Variants in SCIN observed in about 807,000 individuals in gnomAD.
SCIN encodes scinderin.
In SCIN, 91 loss-of-function variants were observed where a neutral mutation model predicts 91.8. That is an observed-to-expected ratio of 0.99 (90% CI 0.84 to 1.18). The LOEUF is 1.18. Ranked by LOEUF, SCIN falls within the 50% of genes most tolerant of loss-of-function variation. The pLI is 0.00. For synonymous variants in SCIN, 367 were observed against 312.6 expected (o/e 1.17, Z -1.84); for missense variants, 1,087 against 863.9 (o/e 1.26, Z -3.24).
At chr7:12,592,098 G>A (rs1477630149) in intron 3 of SCIN, among the ~76,000 whole-genome samples, 1 of 152,190 alleles carries the variant, frequency 6.6e-6, no homozygotes, top group Non-Finnish European at 1.5e-5. Flanking sequence ...CATGTGAGTT[G>A]TTGTGACTGG....
chr7:12,585,056 A>C (rs1782559278), intron 3 of SCIN, among the ~76,000 whole-genome samples: 6 of 152,074 alleles, frequency 3.9e-5, no homozygotes, highest in Admixed American at 3.3e-4. Flanking sequence ...TGTTCTCCTC[A>C]CTATTTATAA....
intron 11 of SCIN, among the ~76,000 whole-genome samples, chr7:12,643,294 A>G (rs2691815): frequency 0.36 from 54,506 of 151,976 alleles, 10,414 homozygotes; most frequent in Middle Eastern, 0.46. Context: ...TCTGTTTTAG[A>G]TCTCATTTCC....
chr7:12,581,049 T>C lies in SCIN; in HGVS notation c.355-11T>C. 3.2e-6 allele frequency: 5 copies of C among 1,549,746 alleles called. No homozygotes were observed. Among genetic ancestry groups the C allele is most frequent in the Non-Finnish European group, 4.4e-6 (5 of 1,145,872 alleles). On this transcript the variant is annotated splice_polypyrimidine_tract_variant and intron_variant, in intron 2 of 15. Transcript: ENST00000297029. ...TTGTTTTTTGTGTGTCTGTCTTCCCTCATTCATCAGGCTGGAGGCGTGGCA... is the reference window on the plus strand; with the variant it reads ...TTGTTTTTTGTGTGTCTGTCTTCCCCCATTCATCAGGCTGGAGGCGTGGCA...
rs1315031763 is a variant in SCIN at position 12,640,938 on chromosome 7, C to T, written c.1581+421C>T. On this transcript the variant is annotated intron_variant, in intron 11 of 15. Coordinates refer to ENST00000297029, the MANE Select transcript of SCIN (RefSeq NM_001112706.3). Reference sequence around the variant, plus strand: ...GGGAGGCATGTCCCACCACACTGGACCAGAACCATAACTGAACTGGCCCCA... The same window carrying T: ...GGGAGGCATGTCCCACCACACTGGATCAGAACCATAACTGAACTGGCCCCA... Among the ~76,000 whole-genome samples the T allele has an allele frequency of 2.6e-5, 4 of 152,230 alleles. No homozygotes were observed. In the East Asian group the frequency reaches 7.7e-4, roughly 29 times the overall value.
Position 12,636,072 on chromosome 7 carries a change from G to C in SCIN, c.1347G>C (p.Glu449Asp). The change falls in exon 10 of 16, where the codon GAG becomes GAC. Residue 449 changes from glutamate (E) to aspartate (D), a missense_variant. Transcript: ENST00000297029. ...AAGGAGCAAATGCCACACGAGATGAGCTGACAACATCTGCGTTCCTGACTG... is the reference window on the plus strand; with the variant it reads ...AAGGAGCAAATGCCACACGAGATGACCTGACAACATCTGCGTTCCTGACTG... ...TWQGANATRD[E>D]LTTSAFLTVQ... 6.2e-7 allele frequency: 1 copy of C among 1,613,118 alleles called. No individual in the cohort carries two copies. The highest frequency in any genetic ancestry group is 1.7e-5 in the Admixed American group (1 of 59,954).
intron 2 of SCIN, among the ~76,000 whole-genome samples, chr7:12,580,504 TAAAG>T (rs1320126872): frequency 2.0e-5 from 3 of 152,048 alleles, no homozygotes; most frequent in African/African-American, 7.2e-5. Context: ...TACCAGAAAA[TAAAG>T]AAGACATTTG....
intron 4 of SCIN, among the ~76,000 whole-genome samples, chr7:12,609,990 G>A (rs983631899): frequency 1.3e-5 from 2 of 152,302 alleles, no homozygotes; most frequent in African/African-American, 2.4e-5. Context: ...GTCTGGTTGA[G>A]GAGATAAGCA....
chr7:12,652,364 G>A (rs1439007350), intron 15 of SCIN, among the ~76,000 whole-genome samples: 2 of 152,144 alleles, frequency 1.3e-5, no homozygotes, highest in Non-Finnish European at 1.5e-5. Flanking sequence ...CATGGCAGAC[G>A]AGAGAAATCA....
rs528498575 is a variant in SCIN at position 12,592,086 on chromosome 7, TC to T, written c.516+10867del. On this transcript the variant is annotated intron_variant, in intron 3 of 15. Coordinates refer to ENST00000297029, the MANE Select transcript of SCIN (RefSeq NM_001112706.3). ...TCCCTGAAGCCCTGAGGGAGGACAGTCCATGTGAGTTGTTGTGACTGGAGGG... is the reference window on the plus strand; with the variant it reads ...TCCCTGAAGCCCTGAGGGAGGACAGTCATGTGAGTTGTTGTGACTGGAGGG... Among the ~76,000 whole-genome samples the T allele has an allele frequency of 2.9e-3, 446 of 152,250 alleles. 3 individuals carry two copies. The highest frequency in any genetic ancestry group is 9.8e-3 in the African/African-American group (408 of 41,546).
Position 12,653,708 on chromosome 7 carries a change from A to G in SCIN, c.*993A>G, listed in dbSNP as rs1248243482. The G allele has an allele frequency of 6.6e-6, 1 of 152,180 alleles. No homozygotes were observed. The highest frequency in any genetic ancestry group is 1.5e-5 in the Non-Finnish European group (1 of 68,030). 9.4% of individuals were successfully genotyped at this position (152,180 alleles called of 1,614,324 possible). ...AGATCAAAAAGACAATGCACAGGGGAGTATCCCAGGGAGCAGAGCCAAGTT... is the reference window on the plus strand; with the variant it reads ...AGATCAAAAAGACAATGCACAGGGGGGTATCCCAGGGAGCAGAGCCAAGTT... On this transcript the variant is annotated 3_prime_UTR_variant, in exon 16 of 16. Coordinates refer to ENST00000297029, the MANE Select transcript of SCIN (RefSeq NM_001112706.3). The surrounding 1 kb of genome is among the most constrained non-coding windows in gnomAD (Gnocchi z 4.1).
chr7:12,574,843 A>G (rs1371410113), intron 1 of SCIN, among the ~76,000 whole-genome samples: 2 of 152,056 alleles, frequency 1.3e-5, no homozygotes, highest in African/African-American at 4.8e-5. Context: ...CACTATATAA[A>G]TTTTGCAATA....
intron 15 of SCIN, among the ~76,000 whole-genome samples, chr7:12,652,323 C>T: frequency 6.7e-6 from 1 of 149,666 alleles, no homozygotes; most frequent in East Asian, 2.0e-4. Context: ...GGAATTCTTT[C>T]AGGCATTAAT....
At chr7:12,632,626 A>G (rs1783669665) in intron 9 of SCIN, among the ~76,000 whole-genome samples, 3 of 152,134 alleles carry the variant, frequency 2.0e-5, no homozygotes, top group Admixed American at 2.0e-4. Context: ...GGCACCAGAA[A>G]AACTGTTAAT....
chr7:12,612,860 C>T (rs1282098967), intron 4 of SCIN, among the ~76,000 whole-genome samples: 2 of 152,136 alleles, frequency 1.3e-5, no homozygotes, highest in South Asian at 2.1e-4. Context: ...CATAATCTCC[C>T]CCTTTGTCAC....
At chr7:12,595,175 C>T (rs950735332) in intron 3 of SCIN, among the ~76,000 whole-genome samples, 1 of 152,250 alleles carries the variant, frequency 6.6e-6, no homozygotes, top group Non-Finnish European at 1.5e-5. Flanking sequence ...TATTATCCTG[C>T]TGAGCTGCTC....
rs952085736 is a variant in SCIN, at chr7:12,604,514, G to T, written c.517G>T (p.Glu173Ter). Residue 173 changes from glutamate (E) to a stop codon, truncating the protein, a stop_gained and splice_region_variant, in exon 4 of 16, where the codon GAA (glutamate) becomes TAA (stop). Coordinates refer to ENST00000297029, the MANE Select transcript of SCIN (RefSeq NM_001112706.3). LOFTEE classifies it high-confidence loss of function. ...GDCFIIDLGT[E>*]IYQWCGSSCN... is the part of the protein sequence containing the mutation. ...CAACAGATCTGTCTCTTTCTTTTAG[G>T]AAATTTATCAGTGGTGTGGTTCCTC... 6.4e-7 allele frequency: 1 copy of T among 1,551,178 alleles called. No individual in the cohort carries two copies. Among genetic ancestry groups the T allele is most frequent in the African/African-American group, 1.4e-5 (1 of 72,956 alleles).
At chr7:12,590,375 A>G (rs754271337) in intron 3 of SCIN, among the ~76,000 whole-genome samples, 3 of 152,104 alleles carry the variant, frequency 2.0e-5, no homozygotes, top group Non-Finnish European at 4.4e-5. Context: ...GGAGGAAGTA[A>G]CAGAGCATAT....
chr7:12,588,951 G>C (rs1395619954), intron 3 of SCIN: 2 of 152,970 alleles, frequency 1.3e-5, no homozygotes, highest in African/African-American at 2.4e-5. Context: ...GGCGATGGTT[G>C]GGGGGAGAGG....
rs1377016109 is a variant in SCIN at position 12,660,024 on chromosome 7, G to C, written c.*7309G>C. Reference sequence around the variant, plus strand: ...TCCCACCCTTGAGAATGTACTTTGTGAGATCCACCCCCTGCCAGCAAAACA... The same window carrying C: ...TCCCACCCTTGAGAATGTACTTTGTCAGATCCACCCCCTGCCAGCAAAACA... On this transcript the variant is annotated 3_prime_UTR_variant, in exon 16 of 16. Transcript: ENST00000297029. 6.6e-6 allele frequency: 1 copy of C among 152,224 alleles called. No individual in the cohort carries two copies. Among genetic ancestry groups the C allele is most frequent in the Admixed American group, 6.6e-5 (1 of 15,260 alleles). The allele number at this position is 152,224 out of a possible 1,614,324, so 9.4% of individuals were successfully genotyped here.
Sources: gnomAD v4.1 joint callset for allele counts (sites outside exome capture counted in the v4.1 genomes callset) on GRCh38, gnomAD v4.1.1 for gene constraint, Gnocchi (gnomAD v3.1) non-coding constraint, MANE v1.5 for transcripts, NCBI Gene and HGNC (gene_info 2026-07-23, HGNC 2026-07-21) for gene names.